Variants in ASPSCR1 observed in about 807,000 individuals in gnomAD.
ASPSCR1 encodes ASPSCR1 tether for SLC2A4, UBX domain containing.
Under a neutral mutation model 68.9 loss-of-function variants are expected in ASPSCR1, and 55 were observed. The observed-to-expected ratio is 0.80, with a 90% CI of 0.64 to 1.00. ASPSCR1 has a LOEUF of 1.00. Ranked by LOEUF, ASPSCR1 falls within the 50% of genes least tolerant of loss-of-function variation. The probability of loss-of-function intolerance (pLI) is 0.00; values close to 1 mark genes in which losing one functional copy is unlikely to be tolerated. For missense variants in ASPSCR1, 765 were observed against 762.2 expected (o/e 1.00, Z -0.04); for synonymous variants, 352 against 332.6 (o/e 1.06, Z -0.63).
rs758957524 is a variant in ASPSCR1 at position 82,009,061 on chromosome 17, C to T, written c.958C>T (p.Arg320Trp). Residue 320 changes from arginine (R) to tryptophan (W), a missense_variant, in exon 8 of 16, where the codon CGG becomes TGG. Arg to Trp is a moderately radical substitution (Grantham distance 101). Coordinates refer to ENST00000306739, the MANE Select transcript of ASPSCR1 (RefSeq NM_024083.4). ...GCCCGTGGACCGGGAGCCCGTGGACCGGGAGCCGGTGGTGTGCCACCCCGA... is the reference window on the plus strand; with the variant it reads ...GCCCGTGGACCGGGAGCCCGTGGACTGGGAGCCGGTGGTGTGCCACCCCGA... ...ERPVDREPVD[R>W]EPVVCHPDLE... The T allele has an allele frequency of 2.6e-6, 4 of 1,560,944 alleles. No homozygotes were observed. Among genetic ancestry groups the T allele is most frequent in the East Asian group, 2.4e-5 (1 of 41,712 alleles).
At chr17:81,984,884 C>A (rs1333082955) in intron 3 of ASPSCR1, among the ~76,000 whole-genome samples, 13 of 102,892 alleles carry the variant, frequency 1.3e-4, no homozygotes, top group African/African-American at 2.7e-4. Flanking sequence ...GCACACACAC[C>A]CCCCACACAC....
chr17:82,009,257 T>A, intron 8 of ASPSCR1, 66 bp downstream of exon 8: 1 of 1,507,028 alleles, frequency 6.6e-7, no homozygotes, highest in East Asian at 2.4e-5. Flanking sequence ...GTGCTTGTGC[T>A]GCCCGCTGTC....
chr17:82,011,978 G>A (rs374234352), intron 11 of ASPSCR1: 8 of 634,098 alleles, frequency 1.3e-5, no homozygotes, highest in East Asian at 2.7e-5. Context: ...GTGGCAAAGG[G>A]TTAGGCTGCC....
chr17:82,011,208 G>T (rs1243513997), intron 10 of ASPSCR1, among the ~76,000 whole-genome samples: 1 of 152,052 alleles, frequency 6.6e-6, no homozygotes, highest in Non-Finnish European at 1.5e-5. Context: ...TGACATTCAG[G>T]GGCTTGTGAC....
intron 3 of ASPSCR1, among the ~76,000 whole-genome samples, chr17:81,985,050 A>C (rs1387161995): frequency 6.2e-4 from 51 of 81,706 alleles, no homozygotes; most frequent in Admixed American, 1.1e-3. Context: ...CCTCCCCCCC[A>C]CACACACCCA....
chr17:82,000,915 C>T (rs973187935), intron 7 of ASPSCR1, among the ~76,000 whole-genome samples: 6 of 152,252 alleles, frequency 3.9e-5, no homozygotes, highest in East Asian at 1.9e-4. Flanking sequence ...CCCCACAACT[C>T]GGCCTCCCGG....
At chr17:82,012,193 A>T in intron 11 of ASPSCR1, 38 bp from the exon 12 acceptor site, 2 of 1,603,288 alleles carry the variant, frequency 1.2e-6, no homozygotes, top group Non-Finnish European at 1.7e-6. Flanking sequence ...GGCGAGGTCC[A>T]CGGTGCTTCC....
In ASPSCR1 at chr17:81,985,551, C is replaced by CT; in HGVS notation, c.319dup (p.Ser107PhefsTer38). On this transcript the variant is annotated frameshift_variant, in exon 4 of 16. Coordinates refer to ENST00000306739, the MANE Select transcript of ASPSCR1 (RefSeq NM_024083.4). LOFTEE classifies it high-confidence loss of function. Reference sequence around the variant, plus strand: ...TGGACGATGGCTCGAGGTTGCAGGACTCTTTCTGTTCAGGCCAGACCCTCT... The same window carrying CT: ...TGGACGATGGCTCGAGGTTGCAGGACTTCTTTCTGTTCAGGCCAGACCCTCT... 1 of 1,614,088 alleles carries CT rather than the reference C, an allele frequency of 6.2e-7. No individual in the cohort carries two copies. The highest frequency in any genetic ancestry group is 1.1e-5 in the South Asian group (1 of 91,092).
rs560013744 is a variant in ASPSCR1, at chr17:81,981,348, G to C, written c.158+2109G>C. On this transcript the variant is annotated intron_variant, in intron 2 of 15. Transcript: ENST00000306739. ...AGAGGAGGCTGGTTCAGTTGGTTGG[G>C]GGGGGCTTAGGGTTTCATTTTTATT... 2.6e-3 allele frequency among the ~76,000 whole-genome samples: 393 copies of C among 152,162 alleles called. 6 individuals carry two copies. Among genetic ancestry groups the C allele is most frequent in the Admixed American group, 7.5e-3 (114 of 15,266 alleles).
Position 82,016,848 on chromosome 17 carries a change from C to T in ASPSCR1, c.1454C>T (p.Ala485Val), listed in dbSNP as rs147635421. The change falls in exon 14 of 16, where the codon GCG becomes GTG. Residue 485 changes from alanine to valine, a missense_variant. Transcript: ENST00000306739. ...GLLEHAISPS[A>V]ADVLVARYMS... ...CTGGAGCATGCCATCTCCCCATCTG[C>T]GGCCGATGTGCTGGTGGCCAGGTAA... The T allele has an allele frequency of 9.9e-4, 1,600 of 1,612,096 alleles. 11 individuals are homozygous for T. In the African/African-American group the frequency reaches 0.018, roughly 18 times the overall value.
At chr17:82,000,994 G>A (rs1448801848) in intron 7 of ASPSCR1, among the ~76,000 whole-genome samples, 1 of 152,226 alleles carries the variant, frequency 6.6e-6, no homozygotes, top group African/African-American at 2.4e-5. Context: ...CTGCTGCCCT[G>A]CCTGCCCCTC....
intron 12 of ASPSCR1, chr17:82,015,592 G>C (rs1324156692): frequency 1.7e-6 from 1 of 596,086 alleles, no homozygotes; most frequent in African/African-American, 1.9e-5. Context: ...CCCGGCAGCA[G>C]GTGGGATGCA....
chr17:81,986,880 C>T lies in ASPSCR1; in HGVS notation c.374+1273C>T, dbSNP rs939339484. On this transcript the variant is annotated intron_variant, in intron 4 of 15. Transcript: ENST00000306739. This position sits in a 1 kb window ranked among gnomAD's most constrained non-coding sequence, Gnocchi z 5.2. ...GGTGAGAGCGCTGAGGTCTGCACGT[C>T]GGGTCTCAGTGGTCATGGGGATGGA... is the stretch of plus-strand genomic sequence containing the variant. Among the ~76,000 whole-genome samples the T allele has an allele frequency of 2.0e-5, 3 of 151,608 alleles. No homozygotes were observed. The highest frequency in any genetic ancestry group is 2.9e-5 in the Non-Finnish European group (2 of 67,962).
intron 7 of ASPSCR1, chr17:82,005,443 A>G (rs976863107): frequency 6.6e-6 from 1 of 152,092 alleles, no homozygotes. Context: ...AGCCCCACGC[A>G]GGCTTCTGGA....
intron 4 of ASPSCR1, among the ~76,000 whole-genome samples, chr17:81,991,407 TG>T (rs1187827320): frequency 2.6e-5 from 4 of 152,204 alleles, no homozygotes; most frequent in African/African-American, 9.6e-5. Context: ...GGGTGATTTC[TG>T]CAGCCCTCTG....
intron 12 of ASPSCR1, chr17:82,014,647 T>A (rs1376745526): frequency 1.0e-5 from 2 of 192,386 alleles, no homozygotes; most frequent in African/African-American, 4.7e-5. Context: ...AGGGCTCCTC[T>A]CTTGGCTTCG....
At position 81,977,948 on chromosome 17, in the gene ASPSCR1, G is replaced by C. The variant is rs1386474606; in HGVS notation, c.102+200G>C. The C allele has an allele frequency of 6.1e-6, 2 of 327,924 alleles. No individual in the cohort carries two copies. Among genetic ancestry groups the C allele is most frequent in the East Asian group, 5.1e-5 (1 of 19,528 alleles). 20.3% of individuals were successfully genotyped at this position (327,924 alleles called of 1,614,324 possible). ...CCCGGGGGTCCCGGGGGTCCCGAGT[G>C]GGGGCGGGGCGGTGGCGAGCCTTCC... On this transcript the variant is annotated intron_variant, in intron 1 of 15. Transcript: ENST00000306739. This position sits in a 1 kb window ranked among gnomAD's most constrained non-coding sequence, Gnocchi z 5.0.
At chr17:82,009,640 TG>T (rs2042849132) in intron 9 of ASPSCR1, 73 bp downstream of exon 9, 1 of 313,606 alleles carries the variant, frequency 3.2e-6, no homozygotes, top group Non-Finnish European at 4.4e-6. Flanking sequence ...GTGGACGGGA[TG>T]GGGCGACTGA....
Position 81,996,054 on chromosome 17 carries a change from C to T in ASPSCR1, c.495C>T (p.Ser165=), listed in dbSNP as rs764310473. ...TLQSLGLTGG[S]ATIRFVMKCY... ...AGTCGCTGGGCCTGACCGGGGGCAG[C>T]GCCACCATCAGGTAAGGGCAGTGCT... The change falls in exon 6 of 16, where the codon AGC becomes AGT. Residue 165 remains serine (S), a synonymous_variant. Transcript: ENST00000306739. 35 of 1,607,872 alleles carry T rather than the reference C, an allele frequency of 2.2e-5. No homozygotes were observed. The highest frequency in any genetic ancestry group is 2.7e-5 in the Non-Finnish European group (32 of 1,178,374).
Sources: allele counts gnomAD v4.1 joint callset (sites outside exome capture counted in the v4.1 genomes callset), GRCh38; gene constraint gnomAD v4.1.1; non-coding constraint Gnocchi (gnomAD v3.1); transcripts MANE v1.5; gene names NCBI Gene and HGNC (gene_info 2026-07-23, HGNC 2026-07-21).